DNAH7: variants seen among roughly 807,000 people sequenced by gnomAD.
DNAH7 encodes axonemal beta dynein heavy chain 7.
Under a neutral mutation model 444.6 loss-of-function variants are expected in DNAH7, and 397 were observed. The observed-to-expected ratio is 0.89, with a 90% CI of 0.82 to 0.97. DNAH7 has a LOEUF of 0.97. Among genes scored for constraint, DNAH7 ranks in the 50% least tolerant of loss-of-function variants. The probability of loss-of-function intolerance (pLI) is 0.00; values close to 1 mark genes in which losing one functional copy is unlikely to be tolerated. For synonymous variants in DNAH7, 1,636 were observed against 1,624.4 expected, an observed-to-expected ratio of 1.01 and a Z score of -0.17; for missense variants, 4,902 against 4,800.8, an observed-to-expected ratio of 1.02 and a Z score of -0.62.
At chr2:196,027,325 T>C (rs4577295) in intron 6 of DNAH7, among the ~76,000 whole-genome samples, 5,063 of 152,046 alleles carry the variant, frequency 0.033, 272 homozygotes, top group African/African-American at 0.11. Context: ...TCTCTATATA[T>C]TAATTCCAGA....
chr2:196,016,243 AAAC>A lies in DNAH7; in HGVS notation c.869+2924_869+2926del, dbSNP rs1695012868. Among the ~76,000 whole-genome samples the A allele has an allele frequency of 2.0e-5, 3 of 152,214 alleles. 1 individual carries two copies. The highest frequency in any genetic ancestry group is 2.0e-4 in the Admixed American group (3 of 15,280). On this transcript the variant is annotated intron_variant, in intron 9 of 64. Coordinates refer to ENST00000312428, the MANE Select transcript of DNAH7 (RefSeq NM_018897.3). ...GTGTTCTGAAAGTGGATATAAAAAA[AAAC>A]GATAACTTGTGGTGTTGTTTTGAAA...
intron 21 of DNAH7, among the ~76,000 whole-genome samples, chr2:195,933,514 G>GATAGACTGGATT (rs1384551443): frequency 6.6e-6 from 1 of 152,138 alleles, no homozygotes; most frequent in Non-Finnish European, 1.5e-5. Context: ...GTCCATCAGT[G>GATAGACTGGATT]ATAGACTGGA....
intron 19 of DNAH7, among the ~76,000 whole-genome samples, chr2:195,951,389 T>C (rs1690246692): frequency 1.3e-5 from 2 of 152,202 alleles, no homozygotes; most frequent in African/African-American, 4.8e-5. Flanking sequence ...GTAACTGTGA[T>C]ATGGTACTGA....
intron 49 of DNAH7, among the ~76,000 whole-genome samples, chr2:195,821,481 G>C (rs1697468154): frequency 6.6e-6 from 1 of 152,088 alleles, no homozygotes; most frequent in Non-Finnish European, 1.5e-5. Context: ...CATCTAATAG[G>C]GACTTAACAA....
At chr2:195,765,756 G>A (rs535126969) in intron 61 of DNAH7, among the ~76,000 whole-genome samples, 9 of 152,216 alleles carry the variant, frequency 5.9e-5, no homozygotes, top group Admixed American at 2.6e-4. Flanking sequence ...TGGAGAAAAG[G>A]GAACGCTTGT....
At position 195,806,790 on chromosome 2, in the gene DNAH7, C is replaced by T. The variant is rs374844497; in HGVS notation, c.10126G>A (p.Ala3376Thr). The part of the protein sequence containing the change: ...EVFPEEWEDK[A>T]NEFQRMLIIR... Reference sequence around the variant, plus strand: ...ATAAGCATCCTTTGAAACTCATTTGCTTTATCTTCCCATTCTTCAGGGAAA... The same window carrying T: ...ATAAGCATCCTTTGAAACTCATTTGTTTTATCTTCCCATTCTTCAGGGAAA... Residue 3376 changes from alanine (A) to threonine (T), a missense_variant, in exon 54 of 65, where the codon GCA (alanine) becomes ACA (threonine). Transcript: ENST00000312428. 1 of 1,613,656 alleles carries T rather than the reference C, an allele frequency of 6.2e-7. No individual in the cohort carries two copies. Among genetic ancestry groups the T allele is most frequent in the Non-Finnish European group, 8.5e-7 (1 of 1,179,756 alleles).
chr2:195,742,701 T>C (rs1036075490), intron 63 of DNAH7, among the ~76,000 whole-genome samples: 12 of 152,168 alleles, frequency 7.9e-5, no homozygotes, highest in Non-Finnish European at 1.6e-4. Flanking sequence ...CAGCACATAG[T>C]GTCAGCTATG....
rs750351912 is a variant in DNAH7, at chr2:196,012,895, A to G, written c.881T>C (p.Leu294Ser). 6.7e-7 allele frequency: 1 copy of G among 1,497,298 alleles called. No homozygotes were observed. Among genetic ancestry groups the G allele is most frequent in the Non-Finnish European group, 8.9e-7 (1 of 1,123,404 alleles). 92.8% of individuals were successfully genotyped at this position (1,497,298 alleles called of 1,614,324 possible). Reference protein sequence around the residue: ...LWHTNFKKLRLVDIKEFHNCQ... With the variant: ...LWHTNFKKLRSVDIKEFHNCQ... ...ATTATGAAATTCTTTGATATCAACT[A>G]AACGTAATTTTCTGCAAAAGATAAA... Residue 294 changes from leucine to serine, a missense_variant, in exon 10 of 65, where the codon TTA (leucine) becomes TCA (serine). Physicochemically the swap from Leu to Ser is moderately radical, Grantham distance 145. Coordinates refer to ENST00000312428, the MANE Select transcript of DNAH7 (RefSeq NM_018897.3).
intron 28 of DNAH7, 34 bp from the exon 29 acceptor site, chr2:195,897,799 T>G: frequency 1.5e-6 from 2 of 1,300,730 alleles, no homozygotes; most frequent in Non-Finnish European, 2.2e-6. Flanking sequence ...TGAGGATATC[T>G]GCATCTCCTA....
chr2:196,032,968 GTAATA>G, intron 5 of DNAH7, among the ~76,000 whole-genome samples: 1 of 152,274 alleles, frequency 6.6e-6, no homozygotes, highest in East Asian at 1.9e-4. Flanking sequence ...AGCAACTAAT[GTAATA>G]TATCACATTA....
rs1272440578 is a variant in DNAH7, at chr2:195,858,818, G to C, written c.7737-14C>G. On this transcript the variant is annotated splice_polypyrimidine_tract_variant and intron_variant, in intron 42 of 64. Transcript: ENST00000312428. ...TTCATTACTTCACTGGAAGGAAATA[G>C]ATAAAACAAAGTTAATCATGAGGCT... 2 of 1,584,714 alleles carry C rather than the reference G, an allele frequency of 1.3e-6. No homozygotes were observed. The highest frequency in any genetic ancestry group is 1.7e-6 in the Non-Finnish European group (2 of 1,166,580).
intron 5 of DNAH7, among the ~76,000 whole-genome samples, chr2:196,034,250 T>C (rs1245356672): frequency 6.6e-6 from 1 of 152,200 alleles, no homozygotes; most frequent in African/African-American, 2.4e-5. Flanking sequence ...TTTTTCTATA[T>C]ACTGGCAAAG....
chr2:195,946,404 C>T (rs2058994810), intron 19 of DNAH7, among the ~76,000 whole-genome samples: 1 of 152,080 alleles, frequency 6.6e-6, no homozygotes. Context: ...TCCCAGACAA[C>T]GAACAAACCT....
intron 5 of DNAH7, among the ~76,000 whole-genome samples, chr2:196,032,613 A>G (rs910648093): frequency 6.6e-6 from 1 of 152,248 alleles, no homozygotes; most frequent in Non-Finnish European, 1.5e-5. Flanking sequence ...TATCAAGTAC[A>G]CTAATTGAAT....
At chr2:195,886,410 C>G in intron 33 of DNAH7, 138 bp from the exon 34 acceptor site, 17 of 703,060 alleles carry the variant, frequency 2.4e-5, no homozygotes, top group Non-Finnish European at 3.9e-5. Context: ...CGAGTAGGTA[C>G]TATTATTACA....
chr2:195,778,768 T>C (rs1328134220), intron 58 of DNAH7, among the ~76,000 whole-genome samples: 1 of 141,190 alleles, frequency 7.1e-6, no homozygotes, highest in East Asian at 2.0e-4. Context: ...AGATCAGCAG[T>C]GTTACTTCAC....
intron 61 of DNAH7, among the ~76,000 whole-genome samples, chr2:195,758,551 C>T (rs1204015563): frequency 6.6e-6 from 1 of 152,166 alleles, no homozygotes; most frequent in Admixed American, 6.5e-5. Flanking sequence ...TAACAACTAT[C>T]TACACAAAAA....
rs140912582 is a variant in DNAH7 at position 196,044,897 on chromosome 2, T to C, written c.398+2455A>G. Among the ~76,000 whole-genome samples, 189 of 152,022 alleles carry C rather than the reference T, an allele frequency of 1.2e-3. 3 individuals are homozygous for C. The East Asian group carries it at 0.028, about 23-fold the overall frequency. ...GCCTGGGCAACATGGTGCAACCCCA[T>C]CTCTACAAAAAATAATAATAATACA... On this transcript the variant is annotated intron_variant, in intron 5 of 64. Transcript: ENST00000312428.
chr2:195,917,031 G>A lies in DNAH7; in HGVS notation c.3935+5057C>T, dbSNP rs533078246. Among the ~76,000 whole-genome samples the A allele has an allele frequency of 2.6e-3, 397 of 150,684 alleles. 2 individuals are homozygous for A. Among genetic ancestry groups the A allele is most frequent in the Non-Finnish European group, 5.0e-3 (342 of 67,798 alleles). ...TCAGGAGAATGGCGTGAACCCAGGA[G>A]GCAGAGCTTGCAGTGAGCCGAGATT... On this transcript the variant is annotated intron_variant, in intron 24 of 64. Coordinates refer to ENST00000312428, the MANE Select transcript of DNAH7 (RefSeq NM_018897.3).
Sources: allele counts gnomAD v4.1 joint callset (sites outside exome capture counted in the v4.1 genomes callset), GRCh38; gene constraint gnomAD v4.1.1; transcripts MANE v1.5; gene names NCBI Gene and HGNC (gene_info 2026-07-23, HGNC 2026-07-21).